The following WDR41 variants were observed in gnomAD, a reference collection of about 807,000 sequenced individuals.
The protein encoded by WDR41 is WD repeat-containing protein 41.
In WDR41, 63 loss-of-function variants were observed where a neutral mutation model predicts 69.3. That is an observed-to-expected ratio of 0.91 (90% confidence interval 0.74 to 1.12). The LOEUF is 1.12. WDR41 is among the 50% of genes most tolerant of loss of function. WDR41 has a pLI of 0.00. For missense variants in WDR41, 543 were observed against 534.5 expected, an observed-to-expected ratio of 1.02 and a Z score of -0.16; for synonymous variants, 185 against 192.1, an observed-to-expected ratio of 0.96 and a Z score of 0.31.
At chr5:77,599,358 G>C (rs1296136135) in intron 1 of WDR41, among the ~76,000 whole-genome samples, 1 of 151,874 alleles carries the variant, frequency 6.6e-6, no homozygotes, top group East Asian at 1.9e-4. Flanking sequence ...CTGCCACCAA[G>C]CCTGGCTAAT....
intron 1 of WDR41, among the ~76,000 whole-genome samples, chr5:77,506,030 G>C (rs1430637155): frequency 6.6e-6 from 1 of 152,152 alleles, no homozygotes; most frequent in East Asian, 1.9e-4. Flanking sequence ...AGCCAAAATA[G>C]ACAAATGAGA....
chr5:77,479,861 G>C (rs1310605464), intron 2 of WDR41, among the ~76,000 whole-genome samples: 2 of 151,364 alleles, frequency 1.3e-5, no homozygotes, highest in African/African-American at 2.4e-5. Context: ...CACAGCAAAA[G>C]AAACTACCAT....
chr5:77,477,869 A>C (rs1344333603), intron 2 of WDR41, among the ~76,000 whole-genome samples: 2 of 143,192 alleles, frequency 1.4e-5, no homozygotes, highest in East Asian at 4.0e-4. Flanking sequence ...CCCTTCAAAA[A>C]ATTAATGAAT....
chr5:77,438,398 C>T (rs371603598), intron 9 of WDR41, 37 bp from the exon 10 acceptor site: 7 of 1,610,518 alleles, frequency 4.3e-6, no homozygotes, highest in Admixed American at 1.7e-5. Context: ...ATAAAACTAG[C>T]ACTCACCCTT....
intron 1 of WDR41, among the ~76,000 whole-genome samples, chr5:77,550,916 A>C (rs1446178751): frequency 6.6e-6 from 1 of 152,234 alleles, no homozygotes; most frequent in African/African-American, 2.4e-5. Context: ...TAAAGGAATA[A>C]AGTCATGTCC....
intron 5 of WDR41, among the ~76,000 whole-genome samples, chr5:77,454,334 A>G (rs1257236994): frequency 6.6e-6 from 1 of 152,206 alleles, no homozygotes; most frequent in African/African-American, 2.4e-5. Flanking sequence ...AGGCCTTCAG[A>G]TAGCAGGAGC....
At chr5:77,610,508 C>A (rs907387453) in intron 1 of WDR41, among the ~76,000 whole-genome samples, 9 of 152,068 alleles carry the variant, frequency 5.9e-5, no homozygotes, top group Admixed American at 3.3e-4. Context: ...ATTCAACATT[C>A]TTAAAGAAAA....
rs943297646 is a variant in WDR41 at position 77,431,777 on chromosome 5, T to C, written c.*1358A>G. On this transcript the variant is annotated 3_prime_UTR_variant, in exon 13 of 13. Transcript: ENST00000296679. ...ATTTCTAAAGGAAAAAGCACGTGAA[T>C]AATGGGAGAAAGTCTTCTGTAATTG... is the stretch of plus-strand genomic sequence containing the variant. 3 of 152,242 alleles carry C rather than the reference T, an allele frequency of 2.0e-5. No individual in the cohort carries two copies. The highest frequency in any genetic ancestry group is 4.4e-5 in the Non-Finnish European group (3 of 68,042). 9.4% of individuals were successfully genotyped at this position (152,242 alleles called of 1,614,324 possible).
intron 1 of WDR41, among the ~76,000 whole-genome samples, chr5:77,593,538 T>A (rs1395688127): frequency 6.6e-6 from 1 of 152,048 alleles, no homozygotes; most frequent in Admixed American, 6.6e-5. Context: ...AAATAATACA[T>A]AAGAACACAA....
At chr5:77,524,875 G>C (rs1485750972) in intron 1 of WDR41, among the ~76,000 whole-genome samples, 1 of 152,182 alleles carries the variant, frequency 6.6e-6, no homozygotes, top group Non-Finnish European at 1.5e-5. Flanking sequence ...TTAGGCTTTT[G>C]TGTTCATTGA....
At chr5:77,566,486 C>T (rs1330998266) in intron 1 of WDR41, among the ~76,000 whole-genome samples, 1 of 152,092 alleles carries the variant, frequency 6.6e-6, no homozygotes, top group Non-Finnish European at 1.5e-5. Context: ...AAAATTCCCC[C>T]TTACCCAAAC....
intron 1 of WDR41, among the ~76,000 whole-genome samples, chr5:77,594,809 G>A (rs1450921542): frequency 6.6e-6 from 1 of 152,180 alleles, no homozygotes; most frequent in Non-Finnish European, 1.5e-5. Flanking sequence ...GGAAAAATGT[G>A]TTACTTTCAT....
chr5:77,584,424 C>A (rs1048178719), intron 1 of WDR41, among the ~76,000 whole-genome samples: 1 of 151,986 alleles, frequency 6.6e-6, no homozygotes, highest in Admixed American at 6.6e-5. Context: ...TATTTTTATA[C>A]CCTTGCAAAG....
chr5:77,460,624 G>A (rs564047799), intron 4 of WDR41, among the ~76,000 whole-genome samples: 4 of 152,116 alleles, frequency 2.6e-5, no homozygotes, highest in Admixed American at 6.6e-5. Flanking sequence ...TTTGGAATAT[G>A]TGCATATACC....
At chr5:77,477,253 T>C (rs564990319) in intron 2 of WDR41, among the ~76,000 whole-genome samples, 16 of 150,736 alleles carry the variant, frequency 1.1e-4, no homozygotes, top group African/African-American at 2.2e-4. Context: ...CTGTCAACAT[T>C]AGACAGATCA....
In WDR41 at chr5:77,451,373, A is replaced by G. The variant is rs1372215686; in HGVS notation, c.524-20T>C. On this transcript the variant is annotated intron_variant, in intron 6 of 12. Transcript: ENST00000296679. ...TAATACCTCCAAAAACATATAAAAC[A>G]AAGTTCAAATTATTTTTCTCACAGA... The G allele has an allele frequency of 5.0e-6, 8 of 1,607,528 alleles. No homozygotes were observed. Among genetic ancestry groups the G allele is most frequent in the South Asian group, 1.1e-5 (1 of 89,954 alleles).
chr5:77,563,574 A>G (rs1743563589), intron 1 of WDR41, among the ~76,000 whole-genome samples: 1 of 152,120 alleles, frequency 6.6e-6, no homozygotes, highest in Admixed American at 6.5e-5. Context: ...TGGCCCTTTG[A>G]TTCATACATT....
intron 1 of WDR41, among the ~76,000 whole-genome samples, chr5:77,595,053 G>A (rs528350801): frequency 1.9e-4 from 29 of 152,242 alleles, no homozygotes; most frequent in Non-Finnish European, 3.5e-4. Context: ...TAATTTGAGA[G>A]CCTTCTGATT....
At chr5:77,533,733 A>G (rs187495538) in intron 1 of WDR41, among the ~76,000 whole-genome samples, 1 of 152,170 alleles carries the variant, frequency 6.6e-6, no homozygotes, top group Non-Finnish European at 1.5e-5. Context: ...GTAAAATAAT[A>G]TACTAATATT....
Sources: allele counts gnomAD v4.1 joint callset (sites outside exome capture counted in the v4.1 genomes callset), GRCh38; gene constraint gnomAD v4.1.1; transcripts MANE v1.5; gene names NCBI Gene and HGNC (gene_info 2026-07-23, HGNC 2026-07-21).